The following ZC3H4 variants were observed in gnomAD, a reference collection of about 807,000 sequenced individuals.
ZC3H4 encodes the protein zinc finger CCCH-type containing 4.
A neutral mutation model predicts 108.3 loss-of-function variants in ZC3H4; 13 were observed. The observed-to-expected ratio is 0.12, with a 90% CI of 0.08 to 0.19. ZC3H4 has a LOEUF of 0.19. Among genes scored for constraint, ZC3H4 ranks in the 10% least tolerant of loss-of-function variants. The pLI is 1.00. For missense variants in ZC3H4, 1,734 were observed against 1,838.8 expected, an observed-to-expected ratio of 0.94 and a Z score of 1.04; for synonymous variants, 917 against 749.6, an observed-to-expected ratio of 1.22 and a Z score of -3.65.
At chr19:47,092,816 CAATAAATA>C (rs57195521) in intron 4 of ZC3H4, among the ~76,000 whole-genome samples, 110 of 146,938 alleles carry the variant, frequency 7.5e-4, no homozygotes, top group African/African-American at 2.0e-3. Context: ...GACTCCGTCT[CAATAAATA>C]AATAAATAAA....
chr19:47,108,974 C>T (rs1248206032), intron 2 of ZC3H4, among the ~76,000 whole-genome samples: 1 of 152,064 alleles, frequency 6.6e-6, no homozygotes, highest in Admixed American at 6.5e-5. Flanking sequence ...TTTTTTTCTA[C>T]TAGGAGACTT....
chr19:47,066,997 A>C lies in ZC3H4; in HGVS notation c.3271T>G (p.Ser1091Ala). The change falls in exon 15 of 15, where the codon TCC (serine) becomes GCC (alanine). Residue 1091 changes from serine to alanine, a missense_variant. Ser to Ala is a moderately conservative substitution (Grantham distance 99). Coordinates refer to ENST00000253048, the MANE Select transcript of ZC3H4 (RefSeq NM_015168.2). ...RLQKPTDSTA[S>A]SRAAKPGPAE... ...GGGCCGGGCTTGGCAGCCCGGGAGG[A>C]GGCCGTAGAGTCTGTGGGTTTCTGC... 6.3e-7 allele frequency: 1 copy of C among 1,587,770 alleles called. No individual in the cohort carries two copies. The highest frequency in any genetic ancestry group is 8.6e-7 in the Non-Finnish European group (1 of 1,166,878).
intron 2 of ZC3H4, chr19:47,111,026 G>A (rs760201208): frequency 4.7e-5 from 31 of 664,132 alleles, no homozygotes; most frequent in Non-Finnish European, 5.6e-5. Context: ...CCTGGCAAGG[G>A]AAGCCCTGGC....
chr19:47,085,339 A>G lies in ZC3H4; in HGVS notation c.946T>C (p.Ser316Pro). ...YSKELNQYRR[S>P]KDSRGRGLSR... ...CCACCTCGGCCTCGGCTGTCCTTGG[A>G]GCGGCGGTACTGGTTCAGCTCCTTG... is the stretch of plus-strand genomic sequence containing the variant. The change falls in exon 7 of 15, where the codon TCC (serine) becomes CCC (proline). Residue 316 changes from serine to proline, a missense_variant. Ser to Pro is a moderately conservative substitution (Grantham distance 74). Around this residue, in one of 9 missense-constraint regions of ZC3H4, gnomAD observed 403 missense variants for 457.0 expected, o/e 0.88. Transcript: ENST00000253048. 2 of 1,595,688 alleles carry G rather than the reference A, an allele frequency of 1.3e-6. No individual in the cohort carries two copies. Among genetic ancestry groups the G allele is most frequent in the African/African-American group, 1.4e-5 (1 of 72,932 alleles).
rs1393675151 is a variant in ZC3H4 at position 47,085,079 on chromosome 19, C to G, written c.1084G>C (p.Asp362His). The G allele has an allele frequency of 1.9e-6, 3 of 1,614,220 alleles. No individual in the cohort carries two copies. Among genetic ancestry groups the G allele is most frequent in the Non-Finnish European group, 2.5e-6 (3 of 1,180,034 alleles). ...ACGCCCATGTCCTCGTCATAGAAGTCTTCGTCATCGTTCATTCCGCCCTTG... is the reference window on the plus strand; with the variant it reads ...ACGCCCATGTCCTCGTCATAGAAGTGTTCGTCATCGTTCATTCCGCCCTTG... ...MNKGGMNDDE[D>H]FYDEDMGDGG... The change falls in exon 8 of 15, where the codon GAC becomes CAC. Residue 362 changes from aspartate (D) to histidine (H), a missense_variant. By Grantham distance (81) the Asp-to-His change is moderately conservative. Transcript: ENST00000253048.
chr19:47,086,625 C>T (rs1412717089), intron 5 of ZC3H4, 87 bp from the exon 6 acceptor site: 4 of 1,470,106 alleles, frequency 2.7e-6, no homozygotes, highest in Non-Finnish European at 3.6e-6. Context: ...CTCCTGAGGT[C>T]AATCACTTCA....
At position 47,090,335 on chromosome 19, in the gene ZC3H4, C is replaced by A. The variant is rs1390434652; in HGVS notation, c.493-146G>T. 7 of 832,194 alleles carry A rather than the reference C, an allele frequency of 8.4e-6. No homozygotes were observed. The African/African-American group carries it at 1.0e-4, about 12-fold the overall frequency. The allele number at this position is 832,194 out of a possible 1,614,324, so 51.6% of individuals were successfully genotyped here. A position where few individuals can be genotyped will look rare whatever the true frequency, so the allele number is the denominator to read the frequency against. On this transcript the variant is annotated intron_variant, in intron 4 of 14. Coordinates refer to ENST00000253048, the MANE Select transcript of ZC3H4 (RefSeq NM_015168.2). ...GTTGCACTGCTGGTCTCCAGCCCCTCTGGGGACTGGTTCTCGTACCAGGGA... is the reference window on the plus strand; with the variant it reads ...GTTGCACTGCTGGTCTCCAGCCCCTATGGGGACTGGTTCTCGTACCAGGGA...
chr19:47,073,434 T>C (rs2057364158), intron 11 of ZC3H4, among the ~76,000 whole-genome samples: 1 of 152,074 alleles, frequency 6.6e-6, no homozygotes, highest in Non-Finnish European at 1.5e-5. Context: ...TAGCCGGGCA[T>C]GGTGGTGGGC....
In ZC3H4 at chr19:47,112,596, G is replaced by T. The variant is rs570817320; in HGVS notation, c.-5-7C>A. The stretch of plus-strand genomic sequence containing the variant: ...GGCGCGGCCTCCATAGTTCCTTTGG[G>T]GGGGAGGGGATGTTAATGCACGAAA... On this transcript the variant is annotated splice_region_variant and splice_polypyrimidine_tract_variant and intron_variant, in intron 1 of 14. Coordinates refer to ENST00000253048, the MANE Select transcript of ZC3H4 (RefSeq NM_015168.2). 113 of 1,205,336 alleles carry T rather than the reference G, an allele frequency of 9.4e-5. No individual in the cohort carries two copies. The East Asian group carries it at 1.2e-3, about 13-fold the overall frequency. 74.7% of individuals were successfully genotyped at this position (1,205,336 alleles called of 1,614,324 possible). A position where few individuals can be genotyped will look rare whatever the true frequency, so the allele number is the denominator to read the frequency against.
intron 8 of ZC3H4, among the ~76,000 whole-genome samples, chr19:47,084,731 C>T (rs1471245851): frequency 1.3e-5 from 2 of 152,206 alleles, no homozygotes; most frequent in Non-Finnish European, 2.9e-5. Flanking sequence ...ACGTCCACCA[C>T]ACCCAGAGGT....
chr19:47,105,748 A>T (rs374071115), intron 2 of ZC3H4, among the ~76,000 whole-genome samples: 268 of 152,272 alleles, frequency 1.8e-3, no homozygotes, highest in African/African-American at 6.3e-3. Context: ...GCTTCTTTGC[A>T]TTTCTCCCAA....
intron 4 of ZC3H4, among the ~76,000 whole-genome samples, chr19:47,091,714 C>T (rs543738446): frequency 2.6e-5 from 4 of 151,138 alleles, no homozygotes; most frequent in African/African-American, 4.9e-5. Flanking sequence ...AGTGAAACCC[C>T]GTCTCTACTA....
In ZC3H4 at chr19:47,072,119, A is replaced by T; in HGVS notation, c.1805T>A (p.Phe602Tyr). Residue 602 changes from phenylalanine to tyrosine, a missense_variant and splice_region_variant, in exon 13 of 15, where the codon TTC (phenylalanine) becomes TAC (tyrosine). By Grantham distance (22) the Phe-to-Tyr change is conservative. Around this residue, in one of 9 missense-constraint regions of ZC3H4, gnomAD observed 12 missense variants for 36.4 expected, o/e 0.33. Coordinates refer to ENST00000253048, the MANE Select transcript of ZC3H4 (RefSeq NM_015168.2). This position sits in a 1 kb window ranked among gnomAD's most constrained non-coding sequence, Gnocchi z 5.6. ...CCCTGGGGGTCCACCGGGTCCAGGG[A>T]ACCTAGAAGAGGGAAAAGGTGCCTG... ...GQLAEKLGVRFPGPGGPPGPM... is the reference protein window; with the variant it reads ...GQLAEKLGVRYPGPGGPPGPM... The T allele has an allele frequency of 1.3e-6, 2 of 1,528,110 alleles. No homozygotes were observed. Among genetic ancestry groups the T allele is most frequent in the South Asian group, 2.5e-5 (2 of 78,878 alleles). The allele number at this position is 1,528,110 out of a possible 1,614,324, so 94.7% of individuals were successfully genotyped here.
Position 47,067,653 on chromosome 19 carries a change from C to G in ZC3H4, c.2615G>C (p.Arg872Pro). 6.2e-7 allele frequency: 1 copy of G among 1,602,844 alleles called. No homozygotes were observed. Residue 872 changes from arginine to proline, a missense_variant, in exon 15 of 15, where the codon CGC becomes CCC. By Grantham distance (103) the Arg-to-Pro change is moderately radical (BLOSUM62 -2). This residue lies in a region of ZC3H4 where 540 missense variants were observed against 484.1 expected (regional missense o/e 1.12). Coordinates refer to ENST00000253048, the MANE Select transcript of ZC3H4 (RefSeq NM_015168.2). This position sits in a 1 kb window ranked among gnomAD's most constrained non-coding sequence, Gnocchi z 6.4. ...AGACCCGCCAGAAGCCTCCACATGG[C>G]GGGTGAGTCTGGGGTCCCGGCTGAG... is the stretch of plus-strand genomic sequence containing the variant. ...PRLSRDPRLT[R>P]HVEASGGSGP...
Position 47,065,247 on chromosome 19 carries a change from A to C in ZC3H4, c.*1109T>G, listed in dbSNP as rs917212499. The C allele has an allele frequency of 4.6e-5, 7 of 152,798 alleles. No homozygotes were observed. The East Asian group carries it at 1.2e-3, about 25-fold the overall frequency. 9.5% of individuals were successfully genotyped at this position (152,798 alleles called of 1,614,324 possible). On this transcript the variant is annotated 3_prime_UTR_variant, in exon 15 of 15. Transcript: ENST00000253048. Reference sequence around the variant, plus strand: ...TAAGTGTCCACAAATCCCACAGAGCAACACACCTTGGAACACCTGCATCTG... The same window carrying C: ...TAAGTGTCCACAAATCCCACAGAGCCACACACCTTGGAACACCTGCATCTG...
chr19:47,111,622 A>T (rs1363559792), intron 2 of ZC3H4, among the ~76,000 whole-genome samples: 1 of 146,594 alleles, frequency 6.8e-6, no homozygotes, highest in African/African-American at 2.4e-5. Context: ...CTTTAGCAAA[A>T]ACACGGGGAA....
Position 47,066,647 on chromosome 19 carries a change from A to T in ZC3H4, c.3621T>A (p.Asp1207Glu), listed in dbSNP as rs2057204866. Residue 1207 changes from aspartate (D) to glutamate (E), a missense_variant, in exon 15 of 15, where the codon GAT (aspartate) becomes GAA (glutamate). Physicochemically the swap from Asp to Glu is conservative, Grantham distance 45. This residue lies in a region of ZC3H4 where 518 missense variants were observed against 499.6 expected (regional missense o/e 1.04). Coordinates refer to ENST00000253048, the MANE Select transcript of ZC3H4 (RefSeq NM_015168.2). ...EQPETGKAGA[D>E]GGTPTDRYNS... ...TGTATCTGTCCGTGGGGGTGCCCCCATCAGCACCGGCCTTCCCTGTCTCTG... is the reference window on the plus strand; with the variant it reads ...TGTATCTGTCCGTGGGGGTGCCCCCTTCAGCACCGGCCTTCCCTGTCTCTG... 1.2e-6 allele frequency: 2 copies of T among 1,611,804 alleles called. No homozygotes were observed. The highest frequency in any genetic ancestry group is 1.3e-5 in the African/African-American group (1 of 74,932).
At chr19:47,107,543 A>G (rs1488365340) in intron 2 of ZC3H4, among the ~76,000 whole-genome samples, 1 of 152,078 alleles carries the variant, frequency 6.6e-6, no homozygotes, top group Non-Finnish European at 1.5e-5. Context: ...TGAGTCACCT[A>G]TTCACACAGA....
At chr19:47,081,938 G>T (rs1600039043) in intron 10 of ZC3H4, among the ~76,000 whole-genome samples, 1 of 152,280 alleles carries the variant, frequency 6.6e-6, no homozygotes, top group East Asian at 1.9e-4. Flanking sequence ...CCAATGGTAT[G>T]GGCCAGTCTT....
Sources: allele counts gnomAD v4.1 joint callset (sites outside exome capture counted in the v4.1 genomes callset), GRCh38; gene constraint gnomAD v4.1.1; regional missense constraint gnomAD v4.1.1; non-coding constraint Gnocchi (gnomAD v3.1); transcripts MANE v1.5; gene names NCBI Gene and HGNC (gene_info 2026-07-23, HGNC 2026-07-21).